ENTREP2: variants seen among roughly 807,000 people sequenced by gnomAD.
ENTREP2 encodes the protein endosomal transmembrane epsin interactor 2.
chr15:29,462,502 C>T, the ENTREP2 span, among the ~76,000 whole-genome samples: 2 of 152,034 alleles, frequency 1.3e-5, no homozygotes, highest in South Asian at 2.1e-4. Context: ...GCCAGCTACT[C>T]GGGAGGCTGA....
At chr15:29,644,626 A>C in the ENTREP2 span, among the ~76,000 whole-genome samples, 1 of 151,838 alleles carries the variant, frequency 6.6e-6, no homozygotes, top group African/African-American at 2.4e-5. Flanking sequence ...AACATGGTGA[A>C]ACCCCGTCTC....
the ENTREP2 span, among the ~76,000 whole-genome samples, chr15:29,138,512 G>A: frequency 1.3e-5 from 2 of 152,162 alleles, no homozygotes; most frequent in East Asian, 1.9e-4. Context: ...GAGAGGAAGG[G>A]TGAGTGCGTG....
chr15:29,484,365 A>G, the ENTREP2 span, among the ~76,000 whole-genome samples: 73 of 152,292 alleles, frequency 4.8e-4, no homozygotes, highest in Non-Finnish European at 8.7e-4. Flanking sequence ...TAAATCTGTC[A>G]CACCACCCAC....
chr15:29,359,552 A>C, the ENTREP2 span, among the ~76,000 whole-genome samples: 2 of 152,222 alleles, frequency 1.3e-5, no homozygotes, highest in Non-Finnish European at 2.9e-5. Flanking sequence ...AGCTGGGAAT[A>C]GGGGCATGCA....
At chr15:29,468,690 T>C in the ENTREP2 span, among the ~76,000 whole-genome samples, 3 of 152,034 alleles carry the variant, frequency 2.0e-5, no homozygotes, top group Non-Finnish European at 4.4e-5. Flanking sequence ...TCTTTAATAG[T>C]GTCTGAAGTT....
the ENTREP2 span, among the ~76,000 whole-genome samples, chr15:29,531,119 C>A: frequency 6.6e-6 from 1 of 152,238 alleles, no homozygotes; most frequent in Admixed American, 6.5e-5. Context: ...AGGCTGTGTT[C>A]TACCTTCCCC....
chr15:29,358,194 G>A, the ENTREP2 span, among the ~76,000 whole-genome samples: 5 of 152,234 alleles, frequency 3.3e-5, no homozygotes, highest in East Asian at 9.6e-4. Flanking sequence ...AGCCACTGAA[G>A]GAGAACAGAC....
chr15:29,319,311 A>C, the ENTREP2 span, among the ~76,000 whole-genome samples: 1 of 152,224 alleles, frequency 6.6e-6, no homozygotes. Flanking sequence ...TAAAGCACTG[A>C]CCATTCTTTT....
the ENTREP2 span, among the ~76,000 whole-genome samples, chr15:29,530,384 G>A: frequency 1.3e-5 from 2 of 152,160 alleles, no homozygotes; most frequent in African/African-American, 2.4e-5. Flanking sequence ...TAACCTTTAC[G>A]TGTTAATGTA....
chr15:29,517,737 G>C, the ENTREP2 span, among the ~76,000 whole-genome samples: 1 of 151,928 alleles, frequency 6.6e-6, no homozygotes, highest in African/African-American at 2.4e-5. Flanking sequence ...GTCTATGAGG[G>C]GTTATTTGTG....
the ENTREP2 span, among the ~76,000 whole-genome samples, chr15:29,344,618 T>G: frequency 6.6e-6 from 1 of 152,060 alleles, no homozygotes. Context: ...GTAAGTTGCC[T>G]TAGTTGACCC....
chr15:29,377,862 TA>T, the ENTREP2 span, among the ~76,000 whole-genome samples: 1 of 100,978 alleles, frequency 9.9e-6, no homozygotes, highest in African/African-American at 2.9e-5. Flanking sequence ...ATAATAATAA[TA>T]AAAAAATGAG....
chr15:29,639,989 G>C, the ENTREP2 span, among the ~76,000 whole-genome samples: 1 of 152,034 alleles, frequency 6.6e-6, no homozygotes, highest in Non-Finnish European at 1.5e-5. Context: ...GGCTGGTCAT[G>C]AACTCCTGAC....
the ENTREP2 span, among the ~76,000 whole-genome samples, chr15:29,225,311 A>AGAAGCAG: frequency 6.6e-6 from 1 of 152,248 alleles, no homozygotes; most frequent in Non-Finnish European, 1.5e-5. Flanking sequence ...GTCACCTCTC[A>AGAAGCAG]GAAGCAGGAG....
At chr15:29,560,272 T>C in the ENTREP2 span, among the ~76,000 whole-genome samples, 1 of 152,100 alleles carries the variant, frequency 6.6e-6, no homozygotes, top group African/African-American at 2.4e-5. Flanking sequence ...GGAGGGGAAA[T>C]GAGCAACTTG....
the ENTREP2 span, among the ~76,000 whole-genome samples, chr15:29,345,800 T>C: frequency 6.6e-6 from 1 of 152,002 alleles, no homozygotes; most frequent in Non-Finnish European, 1.5e-5. Context: ...ACCAAGGACT[T>C]GAGGCCCCTC....
chr15:29,499,209 C>A, the ENTREP2 span, among the ~76,000 whole-genome samples: 2 of 152,058 alleles, frequency 1.3e-5, no homozygotes, highest in African/African-American at 4.8e-5. Context: ...TTGAGGATGC[C>A]TTGATCCTTT....
the ENTREP2 span, chr15:29,123,476 T>C: frequency 1.3e-6 from 2 of 1,551,670 alleles, no homozygotes. Flanking sequence ...TCCAAAAACT[T>C]GGCCACCAAA....
the ENTREP2 span, chr15:29,124,605 A>G: frequency 3.3e-6 from 4 of 1,214,346 alleles, no homozygotes; most frequent in African/African-American, 1.5e-5. Context: ...GCATTTGGAA[A>G]CAATGTAGCC....
Sources: gnomAD v4.1 joint callset for allele counts (sites outside exome capture counted in the v4.1 genomes callset) on GRCh38, gnomAD v4.1.1 for gene constraint, MANE v1.5 for transcripts, NCBI Gene and HGNC (gene_info 2026-07-23, HGNC 2026-07-21) for gene names.